Variants in CACNA2D3 observed in about 807,000 individuals in gnomAD.
CACNA2D3 encodes calcium voltage-gated channel auxiliary subunit alpha2delta 3, also known as voltage-dependent calcium channel subunit alpha-2/delta-3.
In CACNA2D3, 60 loss-of-function variants were observed where a neutral mutation model predicts 160.6. The ratio of observed to expected loss-of-function variants is 0.37; its 90% CI spans 0.30 to 0.46. CACNA2D3 has a LOEUF of 0.46. Ranked by LOEUF, CACNA2D3 falls within the 20% of genes least tolerant of loss-of-function variation. The pLI is 1.00. For missense variants in CACNA2D3, 1,205 were observed against 1,365.0 expected, an observed-to-expected ratio of 0.88 and a Z score of 1.85; for synonymous variants, 558 against 492.9, an observed-to-expected ratio of 1.13 and a Z score of -1.75.
At chr3:55,014,467 C>T (rs373919486) in intron 34 of CACNA2D3, among the ~76,000 whole-genome samples, 4 of 152,238 alleles carry the variant, frequency 2.6e-5, no homozygotes, top group Middle Eastern at 3.4e-3. Context: ...CAGTGGCTCA[C>T]GCCTGTAATC....
intron 2 of CACNA2D3, among the ~76,000 whole-genome samples, chr3:54,257,713 TAAA>T (rs1159583883): frequency 1.3e-5 from 2 of 152,112 alleles, no homozygotes; most frequent in African/African-American, 4.8e-5. Context: ...TCAATGAGTA[TAAA>T]AAAATAAATG....
chr3:54,360,164 G>A (rs563406235), intron 3 of CACNA2D3, among the ~76,000 whole-genome samples: 2 of 152,222 alleles, frequency 1.3e-5, no homozygotes, highest in East Asian at 1.9e-4. Context: ...TCTTTGCACT[G>A]AAACTGCAGA....
chr3:54,589,392 C>T (rs550076621), intron 9 of CACNA2D3, among the ~76,000 whole-genome samples: 55 of 151,696 alleles, frequency 3.6e-4, no homozygotes, highest in Admixed American at 1.6e-3. Context: ...TTAACTCAAA[C>T]GGATCAAAGA....
chr3:54,401,529 A>G (rs1699464701), intron 4 of CACNA2D3, among the ~76,000 whole-genome samples: 1 of 152,208 alleles, frequency 6.6e-6, no homozygotes, highest in African/African-American at 2.4e-5. Flanking sequence ...ATATAAGGGA[A>G]ATCATCGTTA....
At chr3:54,609,820 G>T (rs890428942) in intron 9 of CACNA2D3, among the ~76,000 whole-genome samples, 1 of 152,126 alleles carries the variant, frequency 6.6e-6, no homozygotes, top group Non-Finnish European at 1.5e-5. Flanking sequence ...AGTAAGTTTT[G>T]TAGGTGGTGA....
intron 2 of CACNA2D3, among the ~76,000 whole-genome samples, chr3:54,135,165 TC>T (rs1340723921): frequency 1.3e-5 from 2 of 152,216 alleles, no homozygotes; most frequent in Admixed American, 1.3e-4. Flanking sequence ...TCTCACCTTC[TC>T]GGGGAGCTGC....
At chr3:54,748,427 T>A (rs1160250359) in intron 11 of CACNA2D3, among the ~76,000 whole-genome samples, 1 of 152,220 alleles carries the variant, frequency 6.6e-6, no homozygotes, top group African/African-American at 2.4e-5. Context: ...GGAAGTTTTA[T>A]ACTAAGTAGA....
At chr3:54,174,177 T>C (rs1171910568) in intron 2 of CACNA2D3, among the ~76,000 whole-genome samples, 2 of 152,226 alleles carry the variant, frequency 1.3e-5, no homozygotes, top group African/African-American at 4.8e-5. Context: ...CAGGCAATTG[T>C]AGGAAACTAT....
At chr3:54,539,792 A>G (rs914054738) in intron 5 of CACNA2D3, among the ~76,000 whole-genome samples, 1 of 152,206 alleles carries the variant, frequency 6.6e-6, no homozygotes, top group Non-Finnish European at 1.5e-5. Flanking sequence ...GAAGAAAGAA[A>G]TGTGTTTAAC....
intron 6 of CACNA2D3, among the ~76,000 whole-genome samples, chr3:54,567,197 G>A (rs758649647): frequency 5.3e-5 from 8 of 152,166 alleles, no homozygotes; most frequent in Non-Finnish European, 1.0e-4. Flanking sequence ...AAGTGCATAG[G>A]CAGCTTCTCA....
At chr3:54,753,350 C>A (rs894757294) in intron 12 of CACNA2D3, among the ~76,000 whole-genome samples, 1 of 152,138 alleles carries the variant, frequency 6.6e-6, no homozygotes, top group Admixed American at 6.5e-5. Flanking sequence ...GCCAATAGGG[C>A]GGGAGTGAAA....
At chr3:54,469,343 G>A (rs1460410001) in intron 4 of CACNA2D3, among the ~76,000 whole-genome samples, 1 of 152,176 alleles carries the variant, frequency 6.6e-6, no homozygotes, top group Admixed American at 6.5e-5. Flanking sequence ...GGACCTGACT[G>A]TTAGAAGGAA....
intron 4 of CACNA2D3, among the ~76,000 whole-genome samples, chr3:54,450,329 C>T (rs190048529): frequency 1.4e-4 from 21 of 152,308 alleles, no homozygotes; most frequent in Admixed American, 1.4e-3. Context: ...TCCAAAAATT[C>T]ATATCCTTCC....
At chr3:54,489,705 C>T (rs1239107855) in intron 4 of CACNA2D3, among the ~76,000 whole-genome samples, 2 of 152,122 alleles carry the variant, frequency 1.3e-5, no homozygotes, top group Admixed American at 6.5e-5. Context: ...CAGTGGCCAG[C>T]GAGGCCTGCA....
At chr3:54,606,443 G>C (rs1390765611) in intron 9 of CACNA2D3, among the ~76,000 whole-genome samples, 2 of 152,110 alleles carry the variant, frequency 1.3e-5, no homozygotes, top group Non-Finnish European at 2.9e-5. Flanking sequence ...CCCAGGGTGA[G>C]AGTGGTGGAG....
chr3:54,773,410 A>C (rs1486248158), intron 13 of CACNA2D3, among the ~76,000 whole-genome samples: 2 of 152,252 alleles, frequency 1.3e-5, no homozygotes, highest in Non-Finnish European at 2.9e-5. Context: ...AGACACACGT[A>C]AAGAGAAACA....
chr3:55,019,114 T>TTTA (rs1703393194), intron 35 of CACNA2D3, among the ~76,000 whole-genome samples: 1 of 151,726 alleles, frequency 6.6e-6, no homozygotes, highest in Admixed American at 6.6e-5. Flanking sequence ...TTTCTTTTTT[T>TTTA]AATAAGTCTA....
intron 11 of CACNA2D3, among the ~76,000 whole-genome samples, chr3:54,682,446 C>T (rs1217685623): frequency 3.3e-5 from 5 of 151,850 alleles, no homozygotes; most frequent in South Asian, 2.1e-4. Context: ...GCCAACATGA[C>T]GAAACCCTGT....
intron 35 of CACNA2D3, among the ~76,000 whole-genome samples, chr3:55,034,232 T>C (rs1354086638): frequency 3.9e-5 from 6 of 152,028 alleles, no homozygotes; most frequent in Non-Finnish European, 8.8e-5. Flanking sequence ...AATGTTCTGC[T>C]CTTTTTCAGT....
Sources: gnomAD v4.1 joint callset for allele counts (sites outside exome capture counted in the v4.1 genomes callset) on GRCh38, gnomAD v4.1.1 for gene constraint, MANE v1.5 for transcripts, NCBI Gene and HGNC (gene_info 2026-07-23, HGNC 2026-07-21) for gene names.